The following KCNH1 variants were observed in gnomAD, a reference collection of about 807,000 sequenced individuals.
The protein encoded by KCNH1 is voltage-gated delayed rectifier potassium channel KCNH1.
KCNH1 carries 27 observed loss-of-function variants against 69.2 expected under a neutral mutation model. The ratio of observed to expected loss-of-function variants is 0.39; its 90% CI spans 0.29 to 0.54. The LOEUF is 0.54. Among genes scored for constraint, KCNH1 ranks in the 20% least tolerant of loss-of-function variants. The pLI is 0.68. For synonymous variants in KCNH1, 456 were observed against 487.7 expected (o/e 0.93, Z 0.86); for missense variants, 798 against 1,261.6 (o/e 0.63, Z 5.57).
chr1:210,998,917 G>A (rs968925466), intron 6 of KCNH1, among the ~76,000 whole-genome samples: 4 of 152,068 alleles, frequency 2.6e-5, no homozygotes, highest in African/African-American at 9.7e-5. Context: ...ATGACTACTG[G>A]GTACATAATG....
At chr1:210,941,951 G>C (rs1190430727) in intron 6 of KCNH1, among the ~76,000 whole-genome samples, 1 of 152,154 alleles carries the variant, frequency 6.6e-6, no homozygotes, top group African/African-American at 2.4e-5. Flanking sequence ...ACAGAGAATG[G>C]TGATGAGACT....
At chr1:210,741,214 A>G (rs1683021975) in intron 10 of KCNH1, among the ~76,000 whole-genome samples, 1 of 152,208 alleles carries the variant, frequency 6.6e-6, no homozygotes, top group South Asian at 2.1e-4. Flanking sequence ...TGAAGACATA[A>G]AAAATAACAG....
At position 211,049,990 on chromosome 1, in the gene KCNH1, C is replaced by T. The variant is rs191858191; in HGVS notation, c.559-30734G>A. On this transcript the variant is annotated intron_variant, in intron 5 of 10. Coordinates refer to ENST00000271751, the MANE Select transcript of KCNH1 (RefSeq NM_172362.3). ...CTGGTCCCAGAGTGCTCACCACTTG[C>T]CACCAAATTGGCTTCACTGGTCATT... Among the ~76,000 whole-genome samples, 329 of 152,194 alleles carry T rather than the reference C, an allele frequency of 2.2e-3. 1 individual carries two copies. Among genetic ancestry groups the T allele is most frequent in the South Asian group, 3.7e-3 (18 of 4,816 alleles).
In KCNH1 at chr1:210,734,331, G is replaced by C. The variant is rs185283547; in HGVS notation, c.2112+41017C>G. Among the ~76,000 whole-genome samples, 308 of 152,210 alleles carry C rather than the reference G, an allele frequency of 2.0e-3. 3 individuals are homozygous for C. Among genetic ancestry groups the C allele is most frequent in the East Asian group, 5.8e-4 (3 of 5,172 alleles). On this transcript the variant is annotated intron_variant, in intron 10 of 10. Coordinates refer to ENST00000271751, the MANE Select transcript of KCNH1 (RefSeq NM_172362.3). ...CCCAGATGCAGGGACCTCATCAGAAGCTGTCTCTTCTTTGGGAGTCACAAC... is the reference window on the plus strand; with the variant it reads ...CCCAGATGCAGGGACCTCATCAGAACCTGTCTCTTCTTTGGGAGTCACAAC...
At chr1:210,806,823 A>T (rs867666594) in intron 7 of KCNH1, among the ~76,000 whole-genome samples, 27,691 of 70,452 alleles carry the variant, frequency 0.39, 6,451 homozygotes, top group South Asian at 0.52. Context: ...AAAAAAAAAA[A>T]AAAAAAAAAA....
intron 10 of KCNH1, among the ~76,000 whole-genome samples, chr1:210,697,351 G>A (rs1028734409): frequency 2.0e-5 from 3 of 152,186 alleles, no homozygotes; most frequent in African/African-American, 7.2e-5. Context: ...ACTCCCCTGA[G>A]GATTATGCTA....
intron 10 of KCNH1, among the ~76,000 whole-genome samples, chr1:210,729,198 G>C (rs1302302248): frequency 2.6e-5 from 4 of 152,178 alleles, no homozygotes; most frequent in Non-Finnish European, 5.9e-5. Flanking sequence ...TTAGAGCACA[G>C]GGTACATTTA....
chr1:210,701,678 A>AATTT (rs1681785096), intron 10 of KCNH1, among the ~76,000 whole-genome samples: 1 of 151,818 alleles, frequency 6.6e-6, no homozygotes, highest in Non-Finnish European at 1.5e-5. Context: ...ACCCATCATG[A>AATTT]ATTTATTTCA....
At chr1:210,966,665 G>T (rs1040352072) in intron 6 of KCNH1, among the ~76,000 whole-genome samples, 1 of 152,110 alleles carries the variant, frequency 6.6e-6, no homozygotes. Context: ...AAAACCACGA[G>T]ATACCATCTC....
intron 6 of KCNH1, among the ~76,000 whole-genome samples, chr1:210,938,406 C>T (rs377239444): frequency 2.5e-4 from 38 of 152,038 alleles, no homozygotes; most frequent in African/African-American, 8.2e-4. Flanking sequence ...GAATATTGTG[C>T]CATGTGAATT....
In KCNH1 at chr1:210,683,404, T is replaced by C. The variant is rs769371214; in HGVS notation, c.2847A>G (p.Lys949=). 2 of 1,614,094 alleles carry C rather than the reference T, an allele frequency of 1.2e-6. No individual in the cohort carries two copies. The highest frequency in any genetic ancestry group is 4.5e-5 in the East Asian group (2 of 44,868). ...ATATCCTGAGTATCTCAGAGAGCTG[T>C]TTCTCAATATTGGTCATTTTGGCGT... The part of the protein sequence containing the change: ...ALNAKMTNIE[K]QLSEILRILT... The change falls in exon 11 of 11, where the codon AAA becomes AAG. Residue 949 remains lysine (K), a synonymous_variant. Coordinates refer to ENST00000271751, the MANE Select transcript of KCNH1 (RefSeq NM_172362.3). The surrounding 1 kb of genome is among the most constrained non-coding windows in gnomAD (Gnocchi z 5.7).
chr1:211,060,248 AG>A (rs1690406516), intron 5 of KCNH1, among the ~76,000 whole-genome samples: 1 of 151,902 alleles, frequency 6.6e-6, no homozygotes, highest in Admixed American at 6.6e-5. Context: ...CTAAGAGAAA[AG>A]TTTATACCAA....
chr1:210,917,313 G>A (rs1687367623), intron 7 of KCNH1, among the ~76,000 whole-genome samples: 1 of 151,318 alleles, frequency 6.6e-6, no homozygotes, highest in East Asian at 1.9e-4. Context: ...GAGAGAGAGA[G>A]AGAAAGAAAG....
intron 5 of KCNH1, among the ~76,000 whole-genome samples, chr1:211,081,489 A>C (rs1444102720): frequency 6.6e-6 from 1 of 152,234 alleles, no homozygotes; most frequent in African/African-American, 2.4e-5. Context: ...AAGGATTATA[A>C]ATCATGCTAC....
At chr1:210,700,966 T>C (rs140078932) in intron 10 of KCNH1, among the ~76,000 whole-genome samples, 9,814 of 152,158 alleles carry the variant, frequency 0.064, 444 homozygotes, top group Middle Eastern at 0.1. Flanking sequence ...GAGATGGAGT[T>C]TCGCTCTGTC....
Position 210,854,893 on chromosome 1 carries a change from T to C in KCNH1, c.1463-50727A>G, listed in dbSNP as rs571383969. 2.6e-5 allele frequency among the ~76,000 whole-genome samples: 4 copies of C among 152,270 alleles called. No homozygotes were observed. The South Asian group carries it at 8.3e-4, about 32-fold the overall frequency. Reference sequence around the variant, plus strand: ...GTATAGATACTGAAAACCAGACAATTGACCTTAGCCCTGGTTTGAGCATCA... The same window carrying C: ...GTATAGATACTGAAAACCAGACAATCGACCTTAGCCCTGGTTTGAGCATCA... On this transcript the variant is annotated intron_variant, in intron 7 of 10. Coordinates refer to ENST00000271751, the MANE Select transcript of KCNH1 (RefSeq NM_172362.3).
At chr1:210,785,613 C>T (rs1684084834) in intron 9 of KCNH1, among the ~76,000 whole-genome samples, 1 of 152,090 alleles carries the variant, frequency 6.6e-6, no homozygotes, top group Admixed American at 6.6e-5. Context: ...TCTCAAACTC[C>T]TGATCTTGTG....
chr1:210,873,631 C>T (rs1310392386), intron 7 of KCNH1, among the ~76,000 whole-genome samples: 1 of 152,160 alleles, frequency 6.6e-6, no homozygotes, highest in African/African-American at 2.4e-5. Context: ...CCCCAAAGTT[C>T]TGGGATTACA....
At chr1:211,077,116 G>C (rs1455864828) in intron 5 of KCNH1, among the ~76,000 whole-genome samples, 15 of 152,138 alleles carry the variant, frequency 9.9e-5, no homozygotes, top group Non-Finnish European at 1.6e-4. Flanking sequence ...TATGTGAAAA[G>C]ACCAAATCTA....
Sources: allele counts gnomAD v4.1 joint callset (sites outside exome capture counted in the v4.1 genomes callset), GRCh38; gene constraint gnomAD v4.1.1; non-coding constraint Gnocchi (gnomAD v3.1); transcripts MANE v1.5; gene names NCBI Gene and HGNC (gene_info 2026-07-23, HGNC 2026-07-21).